Variants in UNC13C observed in about 807,000 individuals in gnomAD.
The protein encoded by UNC13C is protein unc-13 homolog C.
UNC13C carries 174 observed loss-of-function variants against 245.4 expected under a neutral mutation model. The observed-to-expected ratio is 0.71, with a 90% CI of 0.63 to 0.80. UNC13C has a LOEUF of 0.80. Ranked by LOEUF, UNC13C falls within the 30% of genes least tolerant of loss-of-function variation. The probability of loss-of-function intolerance (pLI) is 0.00; values close to 1 mark genes in which losing one functional copy is unlikely to be tolerated. For synonymous variants in UNC13C, 992 were observed against 895.1 expected (o/e 1.11, Z -1.93); for missense variants, 2,829 against 2,602.9 (o/e 1.09, Z -1.89).
intron 17 of UNC13C, among the ~76,000 whole-genome samples, chr15:54,348,826 T>C (rs2038917331): frequency 6.6e-6 from 1 of 152,086 alleles, no homozygotes; most frequent in Non-Finnish European, 1.5e-5. Flanking sequence ...AAATATCCAA[T>C]TCTGTAACTC....
intron 18 of UNC13C, among the ~76,000 whole-genome samples, chr15:54,411,396 T>C (rs1367632790): frequency 6.6e-6 from 1 of 152,214 alleles, no homozygotes; most frequent in East Asian, 1.9e-4. Context: ...TTGTGTTACA[T>C]CTAGACAATT....
At chr15:54,261,590 T>A (rs1420674349) in intron 8 of UNC13C, among the ~76,000 whole-genome samples, 1 of 152,226 alleles carries the variant, frequency 6.6e-6, no homozygotes, top group Non-Finnish European at 1.5e-5. Flanking sequence ...TCGCCCAGGC[T>A]GCGGTGCAGT....
chr15:54,208,227 G>C (rs2034775057), intron 4 of UNC13C, among the ~76,000 whole-genome samples: 1 of 152,022 alleles, frequency 6.6e-6, no homozygotes, highest in African/African-American at 2.4e-5. Flanking sequence ...TTATCACCAA[G>C]GGGATGGTGC....
the UNC13C span, among the ~76,000 whole-genome samples, chr15:53,882,571 A>G: frequency 6.6e-6 from 1 of 152,132 alleles, no homozygotes; most frequent in South Asian, 2.1e-4. Context: ...TTTCAATACT[A>G]TTCTACTGCC....
At chr15:54,144,245 A>G (rs1265684734) in intron 4 of UNC13C, among the ~76,000 whole-genome samples, 1 of 152,148 alleles carries the variant, frequency 6.6e-6, no homozygotes, top group Non-Finnish European at 1.5e-5. Flanking sequence ...CACTGGTATC[A>G]GTGTGGCATG....
At chr15:54,018,419 A>G (rs1419209036) in intron 2 of UNC13C, among the ~76,000 whole-genome samples, 1 of 152,174 alleles carries the variant, frequency 6.6e-6, no homozygotes, top group Non-Finnish European at 1.5e-5. Context: ...ATTTATTTCA[A>G]CTGTTGTCTT....
intron 17 of UNC13C, among the ~76,000 whole-genome samples, chr15:54,377,978 G>A (rs1252685189): frequency 1.3e-5 from 2 of 152,028 alleles, no homozygotes; most frequent in Non-Finnish European, 2.9e-5. Flanking sequence ...CACAGGGCAT[G>A]TAGTCAATTT....
intron 2 of UNC13C, among the ~76,000 whole-genome samples, chr15:54,081,861 G>A (rs910295018): frequency 2.0e-5 from 3 of 152,036 alleles, no homozygotes; most frequent in East Asian, 1.9e-4. Flanking sequence ...GTACAATTGT[G>A]TAGCTGCTTT....
chr15:54,287,882 G>A (rs1027432229), intron 10 of UNC13C, among the ~76,000 whole-genome samples: 2 of 152,106 alleles, frequency 1.3e-5, no homozygotes, highest in Non-Finnish European at 2.9e-5. Flanking sequence ...TACTTTAAAT[G>A]AAGTGAATTC....
chr15:54,437,411 C>G (rs948484103), intron 19 of UNC13C, among the ~76,000 whole-genome samples: 1 of 151,886 alleles, frequency 6.6e-6, no homozygotes, highest in African/African-American at 2.4e-5. Context: ...TTGTAACTCT[C>G]AAAACATTGG....
chr15:53,988,569 T>C (rs1364195609), intron 1 of UNC13C, among the ~76,000 whole-genome samples: 1 of 151,876 alleles, frequency 6.6e-6, no homozygotes, highest in Non-Finnish European at 1.5e-5. Flanking sequence ...TACAGAATTA[T>C]AAGATTTAGT....
chr15:54,575,494 G>C (rs1732424591), intron 30 of UNC13C, among the ~76,000 whole-genome samples: 1 of 151,780 alleles, frequency 6.6e-6, no homozygotes, highest in African/African-American at 2.4e-5. Flanking sequence ...ACTGTGGAAA[G>C]AGTGAACCAT....
intron 30 of UNC13C, among the ~76,000 whole-genome samples, chr15:54,612,926 A>T (rs529558089): frequency 6.6e-6 from 1 of 152,076 alleles, no homozygotes; most frequent in East Asian, 1.9e-4. Flanking sequence ...TATTTCACTT[A>T]GAATTTTTAT....
chr15:54,227,604 G>A (rs2035428165), intron 4 of UNC13C, among the ~76,000 whole-genome samples: 1 of 152,228 alleles, frequency 6.6e-6, no homozygotes, highest in South Asian at 2.1e-4. Flanking sequence ...CACCAGCCAA[G>A]TCATGACAGC....
At chr15:53,973,246 G>C, upstream of UNC13C, among the ~76,000 whole-genome samples, 1 of 151,950 alleles carries the variant, frequency 6.6e-6, no homozygotes, top group East Asian at 1.9e-4. Context: ...TGAATGGAGG[G>C]CAGATTATAG....
intron 30 of UNC13C, among the ~76,000 whole-genome samples, chr15:54,608,315 T>C (rs1222352079): frequency 6.6e-6 from 1 of 152,218 alleles, no homozygotes; most frequent in East Asian, 1.9e-4. Context: ...CCTCATTTTG[T>C]CCTCATGATC....
At chr15:54,058,457 G>A (rs1246766204) in intron 2 of UNC13C, among the ~76,000 whole-genome samples, 1 of 152,186 alleles carries the variant, frequency 6.6e-6, no homozygotes, top group Non-Finnish European at 1.5e-5. Context: ...CTCTGAAATT[G>A]AGGCAATAAT....
In UNC13C at chr15:54,536,071, T is replaced by G. The variant is rs1290380446; in HGVS notation, c.5696+3005T>G. On this transcript the variant is annotated intron_variant, in intron 26 of 32. Coordinates refer to ENST00000260323, the MANE Select transcript of UNC13C (RefSeq NM_001080534.3). Reference sequence around the variant, plus strand: ...TGTTTTTTGAAAGCATAAATAAGATTGGTAGACCACTAGCTAGACTAATAA... The same window carrying G: ...TGTTTTTTGAAAGCATAAATAAGATGGGTAGACCACTAGCTAGACTAATAA... Among the ~76,000 whole-genome samples, 7 of 151,864 alleles carry G rather than the reference T, an allele frequency of 4.6e-5. 1 individual carries two copies. Among genetic ancestry groups the G allele is most frequent in the African/African-American group, 7.3e-5 (3 of 41,364 alleles).
intron 10 of UNC13C, among the ~76,000 whole-genome samples, chr15:54,282,332 T>C (rs1392696752): frequency 6.6e-6 from 1 of 152,176 alleles, no homozygotes; most frequent in African/African-American, 2.4e-5. Flanking sequence ...ATGTGGGATA[T>C]TTCTCAGCCC....
Sources: allele counts gnomAD v4.1 joint callset (sites outside exome capture counted in the v4.1 genomes callset), GRCh38; gene constraint gnomAD v4.1.1; transcripts MANE v1.5; gene names NCBI Gene and HGNC (gene_info 2026-07-23, HGNC 2026-07-21).